Variants in IQCM observed in about 807,000 individuals in gnomAD.
IQCM encodes the protein IQ domain-containing protein M.
Under a neutral mutation model 57.6 loss-of-function variants are expected in IQCM, and 45 were observed. The ratio of observed to expected loss-of-function variants is 0.78; its 90% CI spans 0.62 to 1.00. IQCM has a LOEUF of 1.00. Among genes scored for constraint, IQCM ranks in the 50% least tolerant of loss-of-function variants. The pLI is 0.00. For missense variants in IQCM, 468 were observed against 511.6 expected, an observed-to-expected ratio of 0.91 and a Z score of 0.82; for synonymous variants, 148 against 158.9, an observed-to-expected ratio of 0.93 and a Z score of 0.51.
intron 7 of IQCM, among the ~76,000 whole-genome samples, chr4:149,669,020 A>G (rs1015301676): frequency 9.9e-5 from 15 of 152,172 alleles, no homozygotes; most frequent in African/African-American, 3.6e-4. Context: ...CAATTTAAAC[A>G]TATCTTTATA....
At chr4:149,352,796 C>T (rs528568672) in intron 13 of IQCM, among the ~76,000 whole-genome samples, 7 of 152,138 alleles carry the variant, frequency 4.6e-5, no homozygotes, top group Middle Eastern at 3.4e-3. Flanking sequence ...TTGTATAGAT[C>T]CATCTTTATG....
chr4:149,454,075 A>C (rs1737414198), intron 12 of IQCM, among the ~76,000 whole-genome samples: 1 of 150,798 alleles, frequency 6.6e-6, no homozygotes, highest in South Asian at 2.1e-4. Flanking sequence ...ATGCACGTGT[A>C]TGTTCATCAC....
At chr4:149,807,715 G>T (rs1774213076) in intron 2 of IQCM, among the ~76,000 whole-genome samples, 2 of 151,050 alleles carry the variant, frequency 1.3e-5, no homozygotes, top group African/African-American at 4.9e-5. Context: ...AATATATAAG[G>T]GAAAAAAAAT....
intron 7 of IQCM, among the ~76,000 whole-genome samples, chr4:149,659,780 G>A (rs2150151291): frequency 6.6e-6 from 1 of 152,072 alleles, no homozygotes; most frequent in East Asian, 1.9e-4. Flanking sequence ...CTAGCCATAT[G>A]TAGAAAGCTG....
intron 12 of IQCM, among the ~76,000 whole-genome samples, chr4:149,522,160 C>A (rs1038099834): frequency 6.6e-6 from 1 of 152,154 alleles, no homozygotes; most frequent in Admixed American, 6.5e-5. Context: ...ATGGAACAGA[C>A]AGAGTTATTC....
intron 2 of IQCM, among the ~76,000 whole-genome samples, chr4:149,812,454 T>C (rs1774648940): frequency 1.3e-5 from 2 of 149,128 alleles, no homozygotes; most frequent in African/African-American, 5.0e-5. Context: ...TTCTACCTTC[T>C]AGATCTCTCT....
intron 2 of IQCM, among the ~76,000 whole-genome samples, chr4:149,767,809 C>T (rs1044744071): frequency 6.6e-6 from 1 of 151,990 alleles, no homozygotes; most frequent in South Asian, 2.1e-4. Context: ...TGAATAATTG[C>T]AATCCCTATG....
intron 9 of IQCM, among the ~76,000 whole-genome samples, chr4:149,586,101 G>A (rs73859777): frequency 6.6e-6 from 1 of 151,316 alleles, no homozygotes; most frequent in East Asian, 1.9e-4. Flanking sequence ...ACATCTGTAA[G>A]GAAAAAAGGC....
intron 12 of IQCM, among the ~76,000 whole-genome samples, chr4:149,452,160 G>A (rs904705100): frequency 7.3e-5 from 11 of 151,584 alleles, no homozygotes; most frequent in African/African-American, 2.7e-4. Flanking sequence ...CTTGAACACT[G>A]AATGCTATAA....
intron 8 of IQCM, among the ~76,000 whole-genome samples, chr4:149,600,422 GA>G (rs1422709730): frequency 1.3e-4 from 20 of 152,080 alleles, no homozygotes; most frequent in South Asian, 8.3e-4. Context: ...CCAAAATTCA[GA>G]AAGTTAAATT....
intron 5 of IQCM, among the ~76,000 whole-genome samples, chr4:149,724,461 ACTCT>A (rs755599490): frequency 3.5e-4 from 53 of 151,736 alleles, no homozygotes; most frequent in African/African-American, 1.3e-3. Context: ...ACACATAAAC[ACTCT>A]CTCTTTCTCT....
intron 2 of IQCM, among the ~76,000 whole-genome samples, chr4:149,775,676 A>G (rs753144839): frequency 6.6e-5 from 10 of 151,914 alleles, no homozygotes; most frequent in Non-Finnish European, 1.0e-4. Context: ...TGCTTGCCCA[A>G]ACTGAAAAAC....
intron 5 of IQCM, among the ~76,000 whole-genome samples, chr4:149,706,446 C>A (rs569354464): frequency 6.6e-6 from 1 of 152,066 alleles, no homozygotes; most frequent in African/African-American, 2.4e-5. Context: ...TGTGCTTTCT[C>A]TAGATTGCCA....
chr4:149,465,265 T>A (rs1054299057), intron 12 of IQCM, among the ~76,000 whole-genome samples: 1 of 152,192 alleles, frequency 6.6e-6, no homozygotes, highest in South Asian at 2.1e-4. Context: ...ATGTAAGATA[T>A]GTAGCTGGAC....
intron 13 of IQCM, among the ~76,000 whole-genome samples, chr4:149,368,888 ATGTATATATATACACGTGTATATATATG>A (rs1560779389): frequency 8.2e-5 from 5 of 60,660 alleles, no homozygotes; most frequent in African/African-American, 1.4e-4. Flanking sequence ...GTGTATATAT[ATGTATATATATACACGTGTATATATATG>A]TGTATATATA....
At chr4:149,694,744 C>G (rs867466691) in intron 5 of IQCM, among the ~76,000 whole-genome samples, 17 of 152,216 alleles carry the variant, frequency 1.1e-4, no homozygotes, top group South Asian at 1.0e-3. Flanking sequence ...CAGAAGAACA[C>G]TGTAGAGGGG....
chr4:149,531,545 T>G (rs1579387047), intron 12 of IQCM, among the ~76,000 whole-genome samples: 1 of 152,086 alleles, frequency 6.6e-6, no homozygotes, highest in Admixed American at 6.6e-5. Flanking sequence ...TTATCAAGCT[T>G]TTTTAAAATG....
chr4:149,432,658 C>T (rs1734982784), intron 13 of IQCM, among the ~76,000 whole-genome samples: 1 of 151,938 alleles, frequency 6.6e-6, no homozygotes, highest in South Asian at 2.1e-4. Flanking sequence ...TTGAAAACTT[C>T]TGCTCTTCAA....
At chr4:149,555,932 A>G (rs1031023959) in intron 10 of IQCM, among the ~76,000 whole-genome samples, 2 of 152,150 alleles carry the variant, frequency 1.3e-5, no homozygotes, top group Non-Finnish European at 2.9e-5. Context: ...TTGGAAGGTT[A>G]CCTAGGGCTT....
Sources: allele counts gnomAD v4.1 joint callset (sites outside exome capture counted in the v4.1 genomes callset), GRCh38; gene constraint gnomAD v4.1.1; transcripts MANE v1.5; gene names NCBI Gene and HGNC (gene_info 2026-07-23, HGNC 2026-07-21).